TRIM55: variants seen among roughly 807,000 people sequenced by gnomAD.
TRIM55 encodes tripartite motif-containing protein 55.
TRIM55 carries 50 observed loss-of-function variants against 60.9 expected under a neutral mutation model. That is an observed-to-expected ratio of 0.82 (90% confidence interval 0.65 to 1.04). The LOEUF is 1.04. TRIM55 is among the 50% of genes least tolerant of loss of function. TRIM55 has a pLI of 0.00. For synonymous variants in TRIM55, 237 were observed against 238.1 expected (o/e 1.00, Z 0.04); for missense variants, 681 against 666.9 (o/e 1.02, Z -0.23).
chr8:66,145,083 A>T (rs1219658521), intron 4 of TRIM55, among the ~76,000 whole-genome samples: 1 of 152,126 alleles, frequency 6.6e-6, no homozygotes, highest in Non-Finnish European at 1.5e-5. Flanking sequence ...GGGCAAATTG[A>T]TAACCTGAGG....
intron 4 of TRIM55, among the ~76,000 whole-genome samples, chr8:66,144,116 C>A (rs1412028249): frequency 2.0e-5 from 3 of 152,180 alleles, no homozygotes; most frequent in Non-Finnish European, 4.4e-5. Flanking sequence ...CCAATTTTAA[C>A]ATTTCCATGA....
intron 8 of TRIM55, among the ~76,000 whole-genome samples, 157 bp from the exon 9 acceptor site, chr8:66,153,890 C>T (rs181441709): frequency 4.9e-4 from 74 of 152,276 alleles, no homozygotes; most frequent in African/African-American, 1.7e-3. Context: ...CTGCCCTTAG[C>T]GCTTCTGGAG....
intron 7 of TRIM55, among the ~76,000 whole-genome samples, chr8:66,151,817 C>T (rs543994344): frequency 5.9e-5 from 9 of 151,568 alleles, no homozygotes; most frequent in Non-Finnish European, 1.2e-4. Context: ...GCACTCCAGC[C>T]TGGGTGACAG....
chr8:66,142,969 T>C (rs1433116084), intron 4 of TRIM55, among the ~76,000 whole-genome samples: 2 of 152,186 alleles, frequency 1.3e-5, no homozygotes, highest in Admixed American at 1.3e-4. Context: ...TTTTTCAGTA[T>C]TGTTAATCTA....
At chr8:66,168,176 GT>G (rs1446509456) in intron 9 of TRIM55, among the ~76,000 whole-genome samples, 1 of 152,052 alleles carries the variant, frequency 6.6e-6, no homozygotes, top group Non-Finnish European at 1.5e-5. Context: ...TGATTGCTCT[GT>G]CCCAAACAGA....
intron 9 of TRIM55, among the ~76,000 whole-genome samples, chr8:66,168,429 T>G (rs191825087): frequency 1.1e-4 from 16 of 152,338 alleles, no homozygotes; most frequent in Admixed American, 9.1e-4. Flanking sequence ...TTGGGCTTGG[T>G]CTTTCTGAAT....
chr8:66,120,983 C>A, the TRIM55 span, among the ~76,000 whole-genome samples: 4 of 152,198 alleles, frequency 2.6e-5, no homozygotes, highest in Non-Finnish European at 5.9e-5. Context: ...TGGCCTAACT[C>A]CAGGTAGGTC....
intron 9 of TRIM55, among the ~76,000 whole-genome samples, chr8:66,172,066 GGGAAGGAAGGAAGGAAAGAA>G (rs1463454204): frequency 1.3e-5 from 2 of 151,064 alleles, no homozygotes; most frequent in Admixed American, 6.6e-5. Flanking sequence ...GGGGGAAGAG[GGGAAGGAAGGAAGGAAAGAA>G]GGAAGGAAGG....
intron 4 of TRIM55, among the ~76,000 whole-genome samples, chr8:66,145,389 A>G (rs1414002578): frequency 1.3e-5 from 2 of 152,238 alleles, no homozygotes; most frequent in African/African-American, 4.8e-5. Context: ...GCATAGAATT[A>G]TATTAAAAGC....
chr8:66,114,875 G>A, the TRIM55 span: 995 of 308,272 alleles, frequency 3.2e-3, 20 homozygotes, highest in African/African-American at 0.02. Context: ...GAATTAACTA[G>A]AGACCAGCGC....
At chr8:66,151,901 T>G (rs1000893962) in intron 7 of TRIM55, among the ~76,000 whole-genome samples, 1 of 148,424 alleles carries the variant, frequency 6.7e-6, no homozygotes, top group Non-Finnish European at 1.5e-5. Flanking sequence ...AATAAAAGAG[T>G]CGTGACATTA....
rs769044785 is a variant in TRIM55 at position 66,160,866 on chromosome 8, GT to G, written c.1524+6545del. Among the ~76,000 whole-genome samples, 1,233 of 131,970 alleles carry G rather than the reference GT, an allele frequency of 9.3e-3. 9 individuals are homozygous for G. The highest frequency in any genetic ancestry group is 0.026 in the African/African-American group (987 of 37,750). 86.6% of individuals were successfully genotyped at this position (131,970 alleles called of 152,430 possible). A position where few individuals can be genotyped will look rare whatever the true frequency, so the allele number is the denominator to read the frequency against. On this transcript the variant is annotated intron_variant, in intron 9 of 9. Transcript: ENST00000315962. The stretch of plus-strand genomic sequence containing the variant: ...CCTTTGCCCACTTTTTGATGGGATT[GT>G]TTTTTTTTTTTTCTTGCTGATTTGT...
chr8:66,118,236 C>T, the TRIM55 span, among the ~76,000 whole-genome samples: 3 of 127,502 alleles, frequency 2.4e-5, no homozygotes, highest in East Asian at 2.7e-4. Flanking sequence ...ATTTTACTAA[C>T]ATTTCCTCAG....
At chr8:66,144,224 T>C (rs1809982030) in intron 4 of TRIM55, among the ~76,000 whole-genome samples, 1 of 152,146 alleles carries the variant, frequency 6.6e-6, no homozygotes, top group African/African-American at 2.4e-5. Flanking sequence ...TTTCTTTACA[T>C]CCAGAAATGT....
the TRIM55 span, among the ~76,000 whole-genome samples, chr8:66,116,505 G>T: frequency 2.0e-4 from 30 of 151,844 alleles, no homozygotes; most frequent in East Asian, 5.6e-3. Context: ...TGCTCGGGAG[G>T]GTAAGGTAGG....
At chr8:66,139,740 A>C (rs1299460671) in intron 4 of TRIM55, among the ~76,000 whole-genome samples, 2 of 152,150 alleles carry the variant, frequency 1.3e-5, no homozygotes, top group Admixed American at 1.3e-4. Context: ...AATTATCAGG[A>C]GTCTTAAAAG....
intron 9 of TRIM55, among the ~76,000 whole-genome samples, chr8:66,161,658 T>C (rs1457566029): frequency 6.6e-6 from 1 of 151,924 alleles, no homozygotes; most frequent in African/African-American, 2.4e-5. Context: ...ATGGGATGTG[T>C]TTCCATTTGT....
chr8:66,162,782 G>T (rs1031606484), intron 9 of TRIM55, among the ~76,000 whole-genome samples: 2 of 151,888 alleles, frequency 1.3e-5, no homozygotes, highest in South Asian at 4.1e-4. Flanking sequence ...TATAGTTTGT[G>T]CTTTTTATGT....
At chr8:66,138,249 C>T (rs1343032035) in intron 4 of TRIM55, among the ~76,000 whole-genome samples, 1 of 152,162 alleles carries the variant, frequency 6.6e-6, no homozygotes, top group Non-Finnish European at 1.5e-5. Context: ...GATTGCCACT[C>T]TAACATGTTT....
Sources: gnomAD v4.1 joint callset for allele counts (sites outside exome capture counted in the v4.1 genomes callset) on GRCh38, gnomAD v4.1.1 for gene constraint, MANE v1.5 for transcripts, NCBI Gene and HGNC (gene_info 2026-07-23, HGNC 2026-07-21) for gene names.